Variants in TENM2 observed in about 807,000 individuals in gnomAD.
TENM2 encodes teneurin-2.
Under a neutral mutation model 245.2 loss-of-function variants are expected in TENM2, and 52 were observed. The ratio of observed to expected loss-of-function variants is 0.21; its 90% CI spans 0.17 to 0.27. The LOEUF (loss-of-function observed/expected upper bound fraction) is 0.27. Among genes scored for constraint, TENM2 ranks in the 10% least tolerant of loss-of-function variants. The probability of loss-of-function intolerance (pLI) is 1.00; values close to 1 mark genes in which losing one functional copy is unlikely to be tolerated. For missense variants in TENM2, 3,046 were observed against 3,666.8 expected (o/e 0.83, Z 4.37); for synonymous variants, 1,363 against 1,438.9 (o/e 0.95, Z 1.19).
chr5:167,435,739 T>C (rs1764514692), intron 2 of TENM2, among the ~76,000 whole-genome samples: 1 of 152,088 alleles, frequency 6.6e-6, no homozygotes, highest in Non-Finnish European at 1.5e-5. Flanking sequence ...CCCTAGAGAC[T>C]TGTTGAATGG....
At chr5:168,113,313 A>G (rs1400542102) in intron 9 of TENM2, among the ~76,000 whole-genome samples, 1 of 152,080 alleles carries the variant, frequency 6.6e-6, no homozygotes, top group East Asian at 1.9e-4. Flanking sequence ...GAGCAAGACC[A>G]TGTCTCCAAA....
chr5:167,011,505 T>G, the TENM2 span, among the ~76,000 whole-genome samples: 1 of 152,306 alleles, frequency 6.6e-6, no homozygotes. Context: ...TGCATATAAA[T>G]AATAGTAAGT....
the TENM2 span, among the ~76,000 whole-genome samples, chr5:167,217,225 A>C: frequency 6.6e-6 from 1 of 152,162 alleles, no homozygotes; most frequent in Non-Finnish European, 1.5e-5. Context: ...TTGTGTGTGC[A>C]GAAAAGTAAG....
Position 167,526,880 on chromosome 5 carries a change from A to G in TENM2, c.502+151407A>G, listed in dbSNP as rs570303873. On this transcript the variant is annotated intron_variant, in intron 2 of 28. Coordinates refer to ENST00000518659, the Ensembl canonical transcript of TENM2. The stretch of plus-strand genomic sequence containing the variant: ...CAGATCTTTTAAGTAGAGACGTAAG[A>G]TTAAGGAGTCTTGCTGAAATATTCG... Among the ~76,000 whole-genome samples the G allele has an allele frequency of 9.2e-5, 14 of 152,258 alleles. No homozygotes were observed. The South Asian group carries it at 2.3e-3, about 25-fold the overall frequency.
chr5:168,058,495 A>G lies in TENM2; in HGVS notation c.1310-3565A>G, dbSNP rs1471707244. 3.3e-5 allele frequency among the ~76,000 whole-genome samples: 5 copies of G among 152,194 alleles called. No individual in the cohort carries two copies. The East Asian group carries it at 9.6e-4, about 29-fold the overall frequency. ...GCATAATTGCTATAGAAACACAGAGAAAACAATTTTGTCTGGCTGAGGACA... is the reference window on the plus strand; with the variant it reads ...GCATAATTGCTATAGAAACACAGAGGAAACAATTTTGTCTGGCTGAGGACA... On this transcript the variant is annotated intron_variant, in intron 6 of 28. Coordinates refer to ENST00000518659, the Ensembl canonical transcript of TENM2.
chr5:167,092,895 G>A, the TENM2 span, among the ~76,000 whole-genome samples: 33 of 152,140 alleles, frequency 2.2e-4, no homozygotes. Flanking sequence ...TTTAATTCGA[G>A]GGTGAAGATG....
At chr5:167,391,656 A>G (rs1212415324) in intron 2 of TENM2, among the ~76,000 whole-genome samples, 4 of 150,418 alleles carry the variant, frequency 2.7e-5, no homozygotes, top group Non-Finnish European at 5.9e-5. Context: ...AAGCACTCTC[A>G]AGGATTTCTA....
At chr5:167,405,885 G>T (rs1440432394) in intron 2 of TENM2, among the ~76,000 whole-genome samples, 1 of 151,874 alleles carries the variant, frequency 6.6e-6, no homozygotes, top group African/African-American at 2.4e-5. Flanking sequence ...GAAATAATGT[G>T]ATTGATTTGC....
intron 5 of TENM2, among the ~76,000 whole-genome samples, chr5:167,996,817 C>A (rs1029054404): frequency 2.0e-5 from 3 of 152,166 alleles, no homozygotes; most frequent in Non-Finnish European, 4.4e-5. Context: ...CGGCTCACTG[C>A]AACCTCTGCC....
intron 13 of TENM2, among the ~76,000 whole-genome samples, chr5:168,172,874 A>T (rs746656733): frequency 6.6e-6 from 1 of 152,100 alleles, no homozygotes; most frequent in Non-Finnish European, 1.5e-5. Context: ...CTTTTCTTTG[A>T]CTTTCTATCT....
chr5:168,010,535 T>C (rs1785142483), intron 5 of TENM2, among the ~76,000 whole-genome samples: 1 of 152,232 alleles, frequency 6.6e-6, no homozygotes, highest in African/African-American at 2.4e-5. Context: ...CATAATAATA[T>C]ACAACAGCAT....
At chr5:167,815,448 T>C (rs1561812238) in intron 2 of TENM2, among the ~76,000 whole-genome samples, 1 of 152,158 alleles carries the variant, frequency 6.6e-6, no homozygotes, top group Non-Finnish European at 1.5e-5. Flanking sequence ...ATTGTATCGT[T>C]GTATTTATGG....
chr5:167,153,604 A>T, the TENM2 span, among the ~76,000 whole-genome samples: 1 of 151,908 alleles, frequency 6.6e-6, no homozygotes, highest in African/African-American at 2.4e-5. Flanking sequence ...GTGCAGTTCA[A>T]ATCTGTGTTG....
At chr5:167,240,115 C>G in the TENM2 span, among the ~76,000 whole-genome samples, 1 of 152,156 alleles carries the variant, frequency 6.6e-6, no homozygotes, top group African/African-American at 2.4e-5. Flanking sequence ...TGAAGTTTTC[C>G]TAAAAATACT....
At chr5:168,122,016 G>A (rs561706733) in intron 10 of TENM2, among the ~76,000 whole-genome samples, 55 of 152,110 alleles carry the variant, frequency 3.6e-4, no homozygotes, top group African/African-American at 1.3e-3. Flanking sequence ...GCTTCCTATC[G>A]GTCCTTTCTC....
Position 167,356,486 on chromosome 5 carries a change from A to G in TENM2, c.227-18712A>G, listed in dbSNP as rs995169894. Among the ~76,000 whole-genome samples the G allele has an allele frequency of 9.2e-5, 14 of 152,290 alleles. No individual in the cohort carries two copies. In the East Asian group the frequency reaches 2.7e-3, roughly 29 times the overall value. Reference sequence around the variant, plus strand: ...GGATTCTGGGAGATATTTTGAAAAAAATGAGGAAAGGCAAGGAAAGTTGCT... The same window carrying G: ...GGATTCTGGGAGATATTTTGAAAAAGATGAGGAAAGGCAAGGAAAGTTGCT... On this transcript the variant is annotated intron_variant, in intron 1 of 28. Transcript: ENST00000518659.
intron 3 of TENM2, among the ~76,000 whole-genome samples, chr5:167,929,073 GAAAGAAAGA>G (rs1778033740): frequency 6.5e-4 from 24 of 37,016 alleles, no homozygotes; most frequent in Admixed American, 6.0e-3. Flanking sequence ...AAGAAAGAAA[GAAAGAAAGA>G]AAGAAAGAAA....
intron 2 of TENM2, among the ~76,000 whole-genome samples, chr5:167,607,103 G>A (rs1237335671): frequency 1.3e-5 from 2 of 152,152 alleles, no homozygotes; most frequent in African/African-American, 2.4e-5. Context: ...TGAGGAAAGA[G>A]AGGGCTGGCT....
At chr5:167,695,552 T>C (rs537367576) in intron 2 of TENM2, among the ~76,000 whole-genome samples, 1 of 152,226 alleles carries the variant, frequency 6.6e-6, no homozygotes, top group East Asian at 1.9e-4. Flanking sequence ...CTCTAAAACA[T>C]ATGAATTTTA....
Sources: allele counts gnomAD v4.1 joint callset (sites outside exome capture counted in the v4.1 genomes callset), GRCh38; gene constraint gnomAD v4.1.1; transcripts MANE v1.5; gene names NCBI Gene and HGNC (gene_info 2026-07-23, HGNC 2026-07-21).